The following HECW2 variants were observed in gnomAD, a reference collection of about 807,000 sequenced individuals.
HECW2 encodes HECT, C2 and WW domain containing E3 ubiquitin protein ligase 2.
Under a neutral mutation model 175.2 loss-of-function variants are expected in HECW2, and 61 were observed. The ratio of observed to expected loss-of-function variants is 0.35; its 90% CI spans 0.28 to 0.43. HECW2 has a LOEUF of 0.43. HECW2 is among the 20% of genes least tolerant of loss of function. The pLI, the probability that HECW2 is intolerant of heterozygous loss-of-function variation, is 1.00. For missense variants in HECW2, 1,524 were observed against 2,000.5 expected (o/e 0.76, Z 4.54); for synonymous variants, 671 against 731.0 (o/e 0.92, Z 1.32).
chr2:196,507,176 T>TACACACACTGATACGTGTATATTAC (rs1687790836), intron 1 of HECW2, among the ~76,000 whole-genome samples: 1 of 151,368 alleles, frequency 6.6e-6, no homozygotes. Context: ...ATGTGTATAT[T>TACACACACTGATACGTGTATATTAC]ACACACACTA....
At chr2:196,277,652 T>C (rs535828227) in intron 15 of HECW2, among the ~76,000 whole-genome samples, 3 of 152,242 alleles carry the variant, frequency 2.0e-5, no homozygotes, top group East Asian at 1.9e-4. Flanking sequence ...CTATAAATCA[T>C]GCTGCTATAA....
At chr2:196,540,800 G>A (rs768312371) in intron 1 of HECW2, among the ~76,000 whole-genome samples, 2 of 152,052 alleles carry the variant, frequency 1.3e-5, no homozygotes, top group Non-Finnish European at 2.9e-5. Context: ...CAATGAACAG[G>A]AGTCACTATG....
chr2:196,446,266 T>A (rs1696183101), intron 1 of HECW2, among the ~76,000 whole-genome samples: 1 of 152,214 alleles, frequency 6.6e-6, no homozygotes, highest in Middle Eastern at 3.2e-3. Context: ...TGTTACTTCT[T>A]TCATGGTTTT....
intron 1 of HECW2, among the ~76,000 whole-genome samples, chr2:196,510,373 C>T (rs1687903795): frequency 6.6e-6 from 1 of 152,152 alleles, no homozygotes; most frequent in African/African-American, 2.4e-5. Context: ...ATTAAACCAG[C>T]ATTACTCCTC....
Position 196,196,666 on chromosome 2 carries a change from G to C in HECW2, c.*4611C>G, listed in dbSNP as rs528223170. The C allele has an allele frequency of 6.6e-6, 1 of 152,472 alleles. No homozygotes were observed. The highest frequency in any genetic ancestry group is 1.5e-5 in the Non-Finnish European group (1 of 68,276). 9.4% of individuals were successfully genotyped at this position (152,472 alleles called of 1,614,324 possible). Reference sequence around the variant, plus strand: ...ATAAAAAAATTAGCTGGGCATGGTGGTGCATGCCTGTAGTCCTAGCTACTC... The same window carrying C: ...ATAAAAAAATTAGCTGGGCATGGTGCTGCATGCCTGTAGTCCTAGCTACTC... On this transcript the variant is annotated 3_prime_UTR_variant, in exon 29 of 29. Coordinates refer to ENST00000644978, the MANE Select transcript of HECW2 (RefSeq NM_001348768.2).
At chr2:196,520,032 C>T (rs188825297) in intron 1 of HECW2, among the ~76,000 whole-genome samples, 1 of 152,086 alleles carries the variant, frequency 6.6e-6, no homozygotes, top group East Asian at 1.9e-4. Context: ...GAACATGATA[C>T]AAAACTCTAG....
intron 10 of HECW2, chr2:196,317,014 A>G: frequency 2.4e-6 from 1 of 412,594 alleles, no homozygotes. Flanking sequence ...ATTTCCCAAA[A>G]TATCTGGATC....
At chr2:196,521,993 T>C (rs1410882563) in intron 1 of HECW2, among the ~76,000 whole-genome samples, 2 of 152,294 alleles carry the variant, frequency 1.3e-5, no homozygotes, top group East Asian at 1.9e-4. Flanking sequence ...TTTGGGTATA[T>C]ACCCAGTAAT....
chr2:196,376,575 G>C (rs1694057072), intron 2 of HECW2, among the ~76,000 whole-genome samples: 1 of 149,320 alleles, frequency 6.7e-6, no homozygotes, highest in Non-Finnish European at 1.5e-5. Context: ...CCATTGCAGT[G>C]AGCCAACATC....
chr2:196,224,721 T>C lies in HECW2; in HGVS notation c.4016+1051A>G, dbSNP rs1687787868. On this transcript the variant is annotated intron_variant, in intron 23 of 28. Coordinates refer to ENST00000644978, the MANE Select transcript of HECW2 (RefSeq NM_001348768.2). ...GTGGGAAAGAAACCAGGCTGAAGTG[T>C]GCTTAGGGTGTGAATTTGAGGTAAG... 2.0e-5 allele frequency among the ~76,000 whole-genome samples: 3 copies of C among 152,096 alleles called. No homozygotes were observed. In the South Asian group the frequency reaches 6.2e-4, roughly 32 times the overall value.
chr2:196,474,065 C>A (rs548266779), intron 1 of HECW2, among the ~76,000 whole-genome samples: 3 of 152,132 alleles, frequency 2.0e-5, no homozygotes, highest in Admixed American at 6.5e-5. Context: ...ATAAGTTATA[C>A]GAAATCAAGT....
intron 2 of HECW2, among the ~76,000 whole-genome samples, chr2:196,358,248 C>G (rs987369243): frequency 5.3e-5 from 8 of 152,110 alleles, no homozygotes; most frequent in African/African-American, 1.7e-4. Context: ...GTGAACCTGG[C>G]ATATATCAGG....
intron 14 of HECW2, among the ~76,000 whole-genome samples, chr2:196,281,842 A>C (rs547065240): frequency 5.3e-5 from 8 of 152,094 alleles, no homozygotes; most frequent in Non-Finnish European, 1.0e-4. Context: ...GAAAAAGACA[A>C]GCCTGGTTCT....
chr2:196,448,168 T>G (rs1318461031), intron 1 of HECW2, among the ~76,000 whole-genome samples: 1 of 152,214 alleles, frequency 6.6e-6, no homozygotes, highest in Non-Finnish European at 1.5e-5. Flanking sequence ...ATAAACTGAT[T>G]CCCATCATTT....
chr2:196,318,713 G>A lies in HECW2; in HGVS notation c.2177C>T (p.Thr726Ile). The change falls in exon 9 of 29, where the codon ACT becomes ATT. Residue 726 changes from threonine (T) to isoleucine (I), a missense_variant. By Grantham distance (89) the Thr-to-Ile change is moderately conservative. Transcript: ENST00000644978. ...CCCCAGCTCCTCCTGGTCAGGTACA[G>A]TGGCCGATTCTGCCCCTGGCCCTTC... is the stretch of plus-strand genomic sequence containing the variant. The part of the protein sequence containing the change: ...EDEGPGAESA[T>I]VPDQEELGEV... The A allele has an allele frequency of 1.3e-6, 2 of 1,570,056 alleles. No homozygotes were observed. The highest frequency in any genetic ancestry group is 1.4e-5 in the African/African-American group (1 of 73,408).
intron 1 of HECW2, among the ~76,000 whole-genome samples, chr2:196,549,974 G>A (rs1357528473): frequency 6.6e-6 from 1 of 152,174 alleles, no homozygotes; most frequent in African/African-American, 2.4e-5. Flanking sequence ...GGCATTTGCA[G>A]GGTCTGGCTG....
chr2:196,591,611 G>A (rs1207425643), intron 1 of HECW2, among the ~76,000 whole-genome samples: 1 of 152,134 alleles, frequency 6.6e-6, no homozygotes, highest in Non-Finnish European at 1.5e-5. Flanking sequence ...TCCTTTAAGA[G>A]ATCAAAATGT....
chr2:196,480,092 C>A (rs1359180025), intron 1 of HECW2, among the ~76,000 whole-genome samples: 1 of 152,098 alleles, frequency 6.6e-6, no homozygotes, highest in Non-Finnish European at 1.5e-5. Flanking sequence ...CTTCCCCAAC[C>A]AGGTTCCAAT....
chr2:196,575,548 G>T (rs1690532043), intron 1 of HECW2, among the ~76,000 whole-genome samples: 2 of 152,036 alleles, frequency 1.3e-5, no homozygotes, highest in African/African-American at 4.8e-5. Flanking sequence ...AGAAAATATG[G>T]TGTATGTATA....
Sources: allele counts gnomAD v4.1 joint callset (sites outside exome capture counted in the v4.1 genomes callset), GRCh38; gene constraint gnomAD v4.1.1; transcripts MANE v1.5; gene names NCBI Gene and HGNC (gene_info 2026-07-23, HGNC 2026-07-21).